The following MATN2 variants were observed in gnomAD, a reference collection of about 807,000 sequenced individuals.
MATN2 encodes the protein matrilin 2.
In MATN2, 69 loss-of-function variants were observed where a neutral mutation model predicts 103.2. The observed-to-expected ratio is 0.67, with a 90% CI of 0.55 to 0.82. The LOEUF (loss-of-function observed/expected upper bound fraction) is 0.82, where lower values mean the gene tolerates loss of function less well. Among genes scored for constraint, MATN2 ranks in the 40% least tolerant of loss-of-function variants. MATN2 has a pLI of 0.00. For synonymous variants in MATN2, 429 were observed against 450.2 expected, an observed-to-expected ratio of 0.95 and a Z score of 0.60; for missense variants, 1,023 against 1,211.5, an observed-to-expected ratio of 0.84 and a Z score of 2.31.
At chr8:97,943,014 G>C (rs1245214781) in intron 4 of MATN2, among the ~76,000 whole-genome samples, 2 of 152,002 alleles carry the variant, frequency 1.3e-5, no homozygotes, top group Non-Finnish European at 2.9e-5. Flanking sequence ...TGTGTTCTTA[G>C]CCTCCTCTAA....
intron 2 of MATN2, among the ~76,000 whole-genome samples, chr8:97,927,959 A>G (rs1459019076): frequency 6.6e-6 from 1 of 152,180 alleles, no homozygotes; most frequent in Admixed American, 6.5e-5. Context: ...TGCCTTAATT[A>G]ATATCCTCCT....
At chr8:97,921,832 C>T (rs1354735526) in intron 2 of MATN2, among the ~76,000 whole-genome samples, 1 of 152,198 alleles carries the variant, frequency 6.6e-6, no homozygotes. Flanking sequence ...GTTCAAGTCT[C>T]ATAAATAAAA....
intron 8 of MATN2, among the ~76,000 whole-genome samples, chr8:98,004,983 T>C (rs1812921604): frequency 6.6e-6 from 1 of 152,252 alleles, no homozygotes; most frequent in Non-Finnish European, 1.5e-5. Context: ...ACATGGCCTA[T>C]GCAGAAGGGG....
intron 6 of MATN2, among the ~76,000 whole-genome samples, chr8:97,993,527 T>TA (rs1812467287): frequency 6.6e-6 from 1 of 151,914 alleles, no homozygotes; most frequent in Admixed American, 6.6e-5. Flanking sequence ...AAAATAAAAA[T>TA]ACACAAGTAA....
chr8:97,893,236 C>T (rs1317512170), intron 2 of MATN2, among the ~76,000 whole-genome samples: 1 of 152,192 alleles, frequency 6.6e-6, no homozygotes, highest in Non-Finnish European at 1.5e-5. Context: ...CCAAAGACCC[C>T]TCCAGGCCAC....
In MATN2 at chr8:98,007,524, G is replaced by C. The variant is rs377530523; in HGVS notation, c.1496G>C (p.Cys499Ser). 1 of 1,613,660 alleles carries C rather than the reference G, an allele frequency of 6.2e-7. No individual in the cohort carries two copies. Among genetic ancestry groups the C allele is most frequent in the Non-Finnish European group, 8.5e-7 (1 of 1,179,582 alleles). ...AGTGACCATGGTTGTGAATACTCCT[G>C]TGTCAACATGGACAGATCCTTTGCC... ...LLSDHGCEYS[C>S]VNMDRSFACQ... Residue 499 changes from cysteine (C) to serine (S), a missense_variant, in exon 10 of 19, where the codon TGT (cysteine) becomes TCT (serine). Cys to Ser is a moderately radical substitution (Grantham distance 112). Transcript: ENST00000254898. This position sits in a 1 kb window ranked among gnomAD's most constrained non-coding sequence, Gnocchi z 4.2.
chr8:97,884,296 A>G (rs1405482774), intron 1 of MATN2, among the ~76,000 whole-genome samples: 1 of 151,704 alleles, frequency 6.6e-6, no homozygotes, highest in Non-Finnish European at 1.5e-5. Context: ...TTGCACCACC[A>G]TGCCCAGCTA....
chr8:97,922,284 C>G (rs1028162654), intron 2 of MATN2, among the ~76,000 whole-genome samples: 4 of 152,204 alleles, frequency 2.6e-5, no homozygotes, highest in African/African-American at 9.7e-5. Context: ...CTCTTACAAT[C>G]TTTCTATTTG....
intron 1 of MATN2, among the ~76,000 whole-genome samples, chr8:97,884,364 T>C (rs964547866): frequency 1.3e-5 from 2 of 151,898 alleles, no homozygotes; most frequent in African/African-American, 4.8e-5. Context: ...GGCCTTGAAC[T>C]CCTGACCTCA....
At chr8:98,035,539 G>GA (rs994027746) in intron 18 of MATN2, 118 bp from the exon 19 acceptor site, 36 of 585,694 alleles carry the variant, frequency 6.1e-5, no homozygotes, top group East Asian at 1.7e-4. Flanking sequence ...ACAGAAATGG[G>GA]AAAAAAAACC....
At chr8:97,994,321 A>G (rs879389564) in intron 6 of MATN2, among the ~76,000 whole-genome samples, 159 bp from the exon 7 acceptor site, 3 of 152,160 alleles carry the variant, frequency 2.0e-5, no homozygotes, top group Admixed American at 2.0e-4. Context: ...CCATATCTCT[A>G]AACATGGAAG....
At chr8:97,978,037 C>G (rs575804791) in intron 5 of MATN2, among the ~76,000 whole-genome samples, 48 of 152,230 alleles carry the variant, frequency 3.2e-4, no homozygotes, top group African/African-American at 1.1e-3. Flanking sequence ...ATAGACTATG[C>G]TATTTACTTA....
intron 5 of MATN2, among the ~76,000 whole-genome samples, chr8:97,974,524 G>A (rs1811769949): frequency 6.6e-6 from 1 of 152,154 alleles, no homozygotes; most frequent in African/African-American, 2.4e-5. Context: ...TTGGCTCACT[G>A]CAACCTCCAC....
chr8:97,914,122 T>C (rs944785920), intron 2 of MATN2, among the ~76,000 whole-genome samples: 1 of 152,140 alleles, frequency 6.6e-6, no homozygotes, highest in African/African-American at 2.4e-5. Context: ...CTCTGGTGCC[T>C]TCTCTATTAG....
intron 4 of MATN2, among the ~76,000 whole-genome samples, chr8:97,951,742 T>A (rs1358471543): frequency 2.9e-5 from 1 of 34,058 alleles, no homozygotes; most frequent in Non-Finnish European, 7.5e-5. Context: ...TTTTTGTTTG[T>A]TTATTTATTA....
At chr8:97,932,764 G>T (rs1242564655) in intron 3 of MATN2, among the ~76,000 whole-genome samples, 1 of 152,174 alleles carries the variant, frequency 6.6e-6, no homozygotes, top group Non-Finnish European at 1.5e-5. Flanking sequence ...ACCCTGACTT[G>T]TCCATTCCCA....
chr8:98,031,172 GA>G (rs1369650517), intron 15 of MATN2, among the ~76,000 whole-genome samples: 1 of 151,676 alleles, frequency 6.6e-6, no homozygotes, highest in East Asian at 1.9e-4. Flanking sequence ...CCCTGTCTCT[GA>G]AAAAAAATTT....
intron 6 of MATN2, among the ~76,000 whole-genome samples, chr8:97,992,170 G>A (rs575255495): frequency 1.3e-5 from 2 of 152,246 alleles, no homozygotes; most frequent in South Asian, 4.1e-4. Flanking sequence ...TGTTTTTAAG[G>A]GAAAGGACCA....
chr8:98,000,596 C>CAA (rs67682756), intron 7 of MATN2, among the ~76,000 whole-genome samples: 4,111 of 49,656 alleles, frequency 0.083, 360 homozygotes, highest in African/African-American at 0.24. Flanking sequence ...GACTCCGTCT[C>CAA]AAAAAAAAAA....
Sources: gnomAD v4.1 joint callset for allele counts (sites outside exome capture counted in the v4.1 genomes callset) on GRCh38, gnomAD v4.1.1 for gene constraint, Gnocchi (gnomAD v3.1) non-coding constraint, MANE v1.5 for transcripts, NCBI Gene and HGNC (gene_info 2026-07-23, HGNC 2026-07-21) for gene names.